INPPL1: variants seen among roughly 807,000 people sequenced by gnomAD.
INPPL1 encodes phosphatidylinositol 3,4,5-trisphosphate 5-phosphatase 2.
INPPL1 carries 91 observed loss-of-function variants against 139.3 expected under a neutral mutation model. The observed-to-expected ratio is 0.65, with a 90% CI of 0.55 to 0.78. The LOEUF (loss-of-function observed/expected upper bound fraction) is 0.78. Among genes scored for constraint, INPPL1 ranks in the 30% least tolerant of loss-of-function variants. INPPL1 has a pLI of 0.00. For missense variants in INPPL1, 1,411 were observed against 1,665.6 expected (o/e 0.85, Z 2.66); for synonymous variants, 719 against 686.6 (o/e 1.05, Z -0.74).
chr11:72,233,476 T>A lies in INPPL1; in HGVS notation c.2076T>A (p.Ile692=), dbSNP rs916176397. ...ATGTGCCCTCATGGTGTGACCGGATTCTGTGGAAATCCTACCCTGAAACTC... is the reference window on the plus strand; with the variant it reads ...ATGTGCCCTCATGGTGTGACCGGATACTGTGGAAATCCTACCCTGAAACTC... ...RTNVPSWCDR[I]LWKSYPETHI... is the part of the protein sequence containing the mutation. Residue 692 remains isoleucine, a synonymous_variant, in exon 18 of 28, where the codon ATT becomes ATA. Transcript: ENST00000298229. The A allele has an allele frequency of 6.2e-7, 1 of 1,614,040 alleles. No individual in the cohort carries two copies.
In INPPL1 at chr11:72,230,459, C is replaced by G. The variant is rs762384129; in HGVS notation, c.1188C>G (p.Val396=). The G allele has an allele frequency of 1.2e-6, 2 of 1,613,720 alleles. No homozygotes were observed. ...DRTQRKDFIF[V]SARKREAFCQ... ...CTCAGCGCAAGGACTTCATCTTTGTCAGTGCCCGGGTGAGCAGCAGGCTGG... is the reference window on the plus strand; with the variant it reads ...CTCAGCGCAAGGACTTCATCTTTGTGAGTGCCCGGGTGAGCAGCAGGCTGG... The change falls in exon 10 of 28, where the codon GTC becomes GTG. Residue 396 remains valine (V), a synonymous_variant. Coordinates refer to ENST00000298229, the MANE Select transcript of INPPL1 (RefSeq NM_001567.4).
chr11:72,229,376 C>A, intron 5 of INPPL1, 89 bp from the exon 6 acceptor site: 1 of 1,440,252 alleles, frequency 6.9e-7, no homozygotes. Context: ...TAGCCTTTAT[C>A]CTTGTGGTGA....
At chr11:72,226,738 A>C (rs1948685530) in intron 1 of INPPL1, among the ~76,000 whole-genome samples, 1 of 152,190 alleles carries the variant, frequency 6.6e-6, no homozygotes, top group Admixed American at 6.5e-5. Context: ...GGGACAGACT[A>C]GGCAGATGAA....
In INPPL1 at chr11:72,234,715, C is replaced by CAG. The variant is rs539009625; in HGVS notation, c.2415+117_2415+118dup. On this transcript the variant is annotated intron_variant, in intron 21 of 27. Transcript: ENST00000298229. This position sits in a 1 kb window ranked among gnomAD's most constrained non-coding sequence, Gnocchi z 4.2. ...TGCCTGGGAGGGAGTGTGGGGCCAGCAGAGAGAGAGAGAGAGAGTGTGTGT... is the reference window on the plus strand; with the variant it reads ...TGCCTGGGAGGGAGTGTGGGGCCAGCAGAGAGAGAGAGAGAGAGAGTGTGTGT... 0.031 allele frequency: 18,753 copies of CAG among 601,510 alleles called. 188 individuals carry two copies. The highest frequency in any genetic ancestry group is 0.041 in the East Asian group (1,242 of 30,194). 37.3% of individuals were successfully genotyped at this position (601,510 alleles called of 1,614,324 possible).
rs776116829 is a variant in INPPL1, at chr11:72,230,199, G to T, written c.1018G>T (p.Gly340Cys). 2 of 1,612,534 alleles carry T rather than the reference G, an allele frequency of 1.2e-6. No homozygotes were observed. Among genetic ancestry groups the T allele is most frequent in the Non-Finnish European group, 1.7e-6 (2 of 1,178,944 alleles). The change falls in exon 9 of 28, where the codon GGT becomes TGT. Residue 340 changes from glycine to cysteine, a missense_variant. Gly to Cys is a radical substitution (Grantham distance 159). This residue lies in a region of INPPL1 where 504 missense variants were observed against 595.6 expected (regional missense o/e 0.85). Coordinates refer to ENST00000298229, the MANE Select transcript of INPPL1 (RefSeq NM_001567.4). The stretch of plus-strand genomic sequence containing the variant: ...GTTCACGCTGAGCGTGGATGTGGAG[G>T]GTGGGCGGCTGGTGCTGCTGCGGAG... ...QKFTLSVDVE[G>C]GRLVLLRRQR...
Position 72,228,532 on chromosome 11 carries a change from C to T in INPPL1, c.397+34C>T, listed in dbSNP as rs759655328. The T allele has an allele frequency of 1.3e-5, 21 of 1,598,672 alleles. 1 individual carries two copies. The South Asian group carries it at 2.1e-4, about 16-fold the overall frequency. ...CAGTGTGCAGGTCCCCTCCCTGCCC[C>T]TGTCCCTTGGCTCTACCTGCCTCTT... On this transcript the variant is annotated intron_variant, in intron 3 of 27. Transcript: ENST00000298229. This position sits in a 1 kb window ranked among gnomAD's most constrained non-coding sequence, Gnocchi z 5.0.
chr11:72,230,478 A>C lies in INPPL1; in HGVS notation c.1197+10A>C. 1 of 1,612,322 alleles carries C rather than the reference A, an allele frequency of 6.2e-7. No individual in the cohort carries two copies. The highest frequency in any genetic ancestry group is 2.2e-5 in the East Asian group (1 of 44,868). Reference sequence around the variant, plus strand: ...CTTTGTCAGTGCCCGGGTGAGCAGCAGGCTGGGCCAGGCCACTGGGGACTG... The same window carrying C: ...CTTTGTCAGTGCCCGGGTGAGCAGCCGGCTGGGCCAGGCCACTGGGGACTG... On this transcript the variant is annotated intron_variant, in intron 10 of 27. Transcript: ENST00000298229.
chr11:72,233,171 A>G lies in INPPL1; in HGVS notation c.2040+8A>G, dbSNP rs200891334. 20 of 1,612,796 alleles carry G rather than the reference A, an allele frequency of 1.2e-5. No homozygotes were observed. Among genetic ancestry groups the G allele is most frequent in the Non-Finnish European group, 1.7e-5 (20 of 1,179,342 alleles). ...AAGCAGAAGCCAACTGGGGTGAGCCAAGAAAACGGCATGGGCCTTGGGGGA... is the reference window on the plus strand; with the variant it reads ...AAGCAGAAGCCAACTGGGGTGAGCCGAGAAAACGGCATGGGCCTTGGGGGA... On this transcript the variant is annotated splice_region_variant and intron_variant, in intron 17 of 27. Transcript: ENST00000298229.
In INPPL1 at chr11:72,235,206, G is replaced by A; in HGVS notation, c.2503+3G>A. On this transcript the variant is annotated splice_donor_region_variant and intron_variant, in intron 22 of 27. Coordinates refer to ENST00000298229, the MANE Select transcript of INPPL1 (RefSeq NM_001567.4). The surrounding 1 kb of genome is among the most constrained non-coding windows in gnomAD (Gnocchi z 4.9). ...CATGGATGGCTATGAATCCTATGGT[G>A]AGGGGTGAGGGGTGCTGAGGGGAAC... 1 of 1,613,978 alleles carries A rather than the reference G, an allele frequency of 6.2e-7. No homozygotes were observed. The highest frequency in any genetic ancestry group is 8.5e-7 in the Non-Finnish European group (1 of 1,179,904).
upstream of INPPL1, chr11:72,223,573 C>G (rs899696537): frequency 1.3e-5 from 2 of 152,204 alleles, no homozygotes; most frequent in African/African-American, 4.8e-5. Context: ...ACAGTTTACA[C>G]AGCTGTCACC....
In INPPL1 at chr11:72,235,478, A is replaced by G; in HGVS notation, c.2659+27A>G. The G allele has an allele frequency of 6.2e-7, 1 of 1,607,814 alleles. No individual in the cohort carries two copies. Among genetic ancestry groups the G allele is most frequent in the Non-Finnish European group, 8.5e-7 (1 of 1,178,588 alleles). ...TGGGGACTCCACTGGGACATGAGATAGGGTGGTGTGAACAGATCAAGGAGG... is the reference window on the plus strand; with the variant it reads ...TGGGGACTCCACTGGGACATGAGATGGGGTGGTGTGAACAGATCAAGGAGG... On this transcript the variant is annotated intron_variant, in intron 23 of 27. Transcript: ENST00000298229. The surrounding 1 kb of genome is among the most constrained non-coding windows in gnomAD (Gnocchi z 4.9).
chr11:72,233,711 G>C lies in INPPL1; in HGVS notation c.2179G>C (p.Val727Leu), dbSNP rs1482584443. ...TTCCCCCGTGTTTGGGACATTTGAG[G>C]TTGGAGTTACCTCCCAGTTCATCTC... Reference protein sequence around the residue: ...DHSPVFGTFEVGVTSQFISKK... With the variant: ...DHSPVFGTFELGVTSQFISKK... Residue 727 changes from valine (V) to leucine (L), a missense_variant, in exon 19 of 28, where the codon GTT becomes CTT. Transcript: ENST00000298229. 1 of 1,614,154 alleles carries C rather than the reference G, an allele frequency of 6.2e-7. No homozygotes were observed.
chr11:72,230,519 TGGGTGCTTCCCATTGGA>T (rs762874618), intron 10 of INPPL1, 51 bp downstream of exon 10: 16 of 1,513,692 alleles, frequency 1.1e-5, no homozygotes, highest in Non-Finnish European at 1.5e-5. Flanking sequence ...GTCCCCCACA[TGGGTGCTTCCCATTGGA>T]GGGTAAGAAA....
chr11:72,233,466 G>A lies in INPPL1; in HGVS notation c.2066G>A (p.Cys689Tyr). ...TGVRTNVPSWCDRILWKSYPE... is the reference protein window; with the variant it reads ...TGVRTNVPSWYDRILWKSYPE... Reference sequence around the variant, plus strand: ...GTCCGGACCAATGTGCCCTCATGGTGTGACCGGATTCTGTGGAAATCCTAC... The same window carrying A: ...GTCCGGACCAATGTGCCCTCATGGTATGACCGGATTCTGTGGAAATCCTAC... The change falls in exon 18 of 28, where the codon TGT becomes TAT. Residue 689 changes from cysteine to tyrosine, a missense_variant. Physicochemically the swap from Cys to Tyr is radical, Grantham distance 194. Around this residue, in one of 5 missense-constraint regions of INPPL1, gnomAD observed 363 missense variants for 446.2 expected, o/e 0.81. Transcript: ENST00000298229. The A allele has an allele frequency of 1.9e-6, 3 of 1,614,186 alleles. No homozygotes were observed. The highest frequency in any genetic ancestry group is 1.3e-5 in the African/African-American group (1 of 75,056).
At position 72,237,801 on chromosome 11, in the gene INPPL1, G is replaced by C; in HGVS notation, c.3552+5G>C. Reference sequence around the variant, plus strand: ...CAGGAAGACCTGGCAGAGGAGGTGTGTGGAGCAGGGTGGCTGTCTGTGTGT... The same window carrying C: ...CAGGAAGACCTGGCAGAGGAGGTGTCTGGAGCAGGGTGGCTGTCTGTGTGT... On this transcript the variant is annotated splice_donor_5th_base_variant and intron_variant, in intron 26 of 27. Coordinates refer to ENST00000298229, the MANE Select transcript of INPPL1 (RefSeq NM_001567.4). The C allele has an allele frequency of 1.3e-6, 2 of 1,591,016 alleles. No individual in the cohort carries two copies. The highest frequency in any genetic ancestry group is 1.7e-6 in the Non-Finnish European group (2 of 1,169,286).
rs771573311 is a variant in INPPL1, at chr11:72,233,142, G to C, written c.2019G>C (p.Trp673Cys). 2 of 1,613,858 alleles carry C rather than the reference G, an allele frequency of 1.2e-6. No individual in the cohort carries two copies. Among genetic ancestry groups the C allele is most frequent in the East Asian group, 4.5e-5 (2 of 44,868 alleles). Residue 673 changes from tryptophan (W) to cysteine (C), a missense_variant, in exon 17 of 28, where the codon TGG becomes TGC. Coordinates refer to ENST00000298229, the MANE Select transcript of INPPL1 (RefSeq NM_001567.4). ...GGGGTTCCCGGGACACATATGCCTG[G>C]CACAAGCAGAAGCCAACTGGGGTGA... Reference protein sequence around the residue: ...YERGSRDTYAWHKQKPTGVRT... With the variant: ...YERGSRDTYACHKQKPTGVRT...
chr11:72,237,329 C>A lies in INPPL1; in HGVS notation c.3085C>A (p.His1029Asn). The A allele has an allele frequency of 6.2e-7, 1 of 1,614,064 alleles. No individual in the cohort carries two copies. The highest frequency in any genetic ancestry group is 8.5e-7 in the Non-Finnish European group (1 of 1,180,034). ...AGTGCCTGCTCCACAGCTTGGGCACCACCGGCACCCTCGTGTGGGAGAGGG... is the reference window on the plus strand; with the variant it reads ...AGTGCCTGCTCCACAGCTTGGGCACAACCGGCACCCTCGTGTGGGAGAGGG... ...ITVPAPQLGH[H>N]RHPRVGEGSS... Residue 1029 changes from histidine to asparagine, a missense_variant, in exon 26 of 28, where the codon CAC becomes AAC. By Grantham distance (68) the His-to-Asn change is moderately conservative (BLOSUM62 1). Around this residue, in one of 5 missense-constraint regions of INPPL1, gnomAD observed 438 missense variants for 425.7 expected, o/e 1.03. Coordinates refer to ENST00000298229, the MANE Select transcript of INPPL1 (RefSeq NM_001567.4).
In INPPL1 at chr11:72,232,302, T is replaced by C. The variant is rs1948856777; in HGVS notation, c.1678T>C (p.Cys560Arg). 1 of 1,554,600 alleles carries C rather than the reference T, an allele frequency of 6.4e-7. No homozygotes were observed. The highest frequency in any genetic ancestry group is 8.7e-7 in the Non-Finnish European group (1 of 1,148,452). The change falls in exon 14 of 28, where the codon TGT (cysteine) becomes CGT (arginine). Residue 560 changes from cysteine to arginine, a missense_variant. Around this residue, in one of 5 missense-constraint regions of INPPL1, gnomAD observed 363 missense variants for 446.2 expected, o/e 0.81. Coordinates refer to ENST00000298229, the MANE Select transcript of INPPL1 (RefSeq NM_001567.4). ...FNGTSFGFVNCHLTSGNEKTA... is the reference protein window; with the variant it reads ...FNGTSFGFVNRHLTSGNEKTA... The stretch of plus-strand genomic sequence containing the variant: ...TGGCACCTCATTTGGCTTTGTGAAT[T>C]GTCACCTCACCTCGGGAAATGAGAA...
chr11:72,231,593 G>T lies in INPPL1; in HGVS notation c.1593G>T (p.Lys531Asn). 6.2e-7 allele frequency: 1 copy of T among 1,613,454 alleles called. No individual in the cohort carries two copies. The change falls in exon 13 of 28, where the codon AAG becomes AAT. Residue 531 changes from lysine (K) to asparagine (N), a missense_variant. Physicochemically the swap from Lys to Asn is moderately conservative, Grantham distance 94. Coordinates refer to ENST00000298229, the MANE Select transcript of INPPL1 (RefSeq NM_001567.4). The part of the protein sequence containing the change: ...RISHVSTSSV[K>N]TGIANTLGNK... Reference sequence around the variant, plus strand: ...GCCATGTCAGTACGTCCAGTGTGAAGACTGGCATCGCCAACACCCTGGGTA... The same window carrying T: ...GCCATGTCAGTACGTCCAGTGTGAATACTGGCATCGCCAACACCCTGGGTA...
Sources: gnomAD v4.1 joint callset for allele counts (sites outside exome capture counted in the v4.1 genomes callset) on GRCh38, gnomAD v4.1.1 for gene constraint, gnomAD v4.1.1 regional missense constraint, Gnocchi (gnomAD v3.1) non-coding constraint, MANE v1.5 for transcripts, NCBI Gene and HGNC (gene_info 2026-07-23, HGNC 2026-07-21) for gene names.